SOCS5: variants seen among roughly 807,000 people sequenced by gnomAD.
The protein encoded by SOCS5 is CIS-6.
Under a neutral mutation model 42.8 loss-of-function variants are expected in SOCS5, and 32 were observed. The observed-to-expected ratio is 0.75, with a 90% CI of 0.56 to 1.01. SOCS5 has a LOEUF of 1.01. Among genes scored for constraint, SOCS5 ranks in the 50% least tolerant of loss-of-function variants. The probability of loss-of-function intolerance (pLI) is 0.00; values close to 1 mark genes in which losing one functional copy is unlikely to be tolerated. For missense variants in SOCS5, 627 were observed against 653.0 expected (o/e 0.96, Z 0.43); for synonymous variants, 283 against 229.6 (o/e 1.23, Z -2.10).
In SOCS5 at chr2:46,758,588, G is replaced by A. The variant is rs148263807; in HGVS notation, c.58G>A (p.Gly20Ser). 1.8e-4 allele frequency: 283 copies of A among 1,612,966 alleles called. No individual in the cohort carries two copies. Among genetic ancestry groups the A allele is most frequent in the Non-Finnish European group, 2.3e-4 (272 of 1,179,522 alleles). The change falls in exon 2 of 2, where the codon GGT becomes AGT. Residue 20 changes from glycine (G) to serine (S), a missense_variant. Physicochemically the swap from Gly to Ser is moderately conservative, Grantham distance 56 (BLOSUM62 0). This residue lies in a region of SOCS5 where 278 missense variants were observed against 246.3 expected (regional missense o/e 1.13). Coordinates refer to ENST00000394861, the MANE Select transcript of SOCS5 (RefSeq NM_144949.3). ...CAAATACAGGTGTCAGAATCTCTTC[G>A]GTCATGAGGGAGGAAGCCGTAGTGA... The part of the protein sequence containing the change: ...NFKYRCQNLF[G>S]HEGGSRSENV...
chr2:46,759,696 A>T lies in SOCS5; in HGVS notation c.1166A>T (p.Tyr389Phe), dbSNP rs1163118110. ...NPCYWGVMDR[Y>F]EAEALLEGKP... ...TGTTACTGGGGAGTGATGGACCGTT[A>T]TGAAGCAGAAGCCCTTCTCGAAGGG... The change falls in exon 2 of 2, where the codon TAT (tyrosine) becomes TTT (phenylalanine). Residue 389 changes from tyrosine (Y) to phenylalanine (F), a missense_variant. Transcript: ENST00000394861. The T allele has an allele frequency of 6.2e-7, 1 of 1,614,186 alleles. No homozygotes were observed. The highest frequency in any genetic ancestry group is 8.5e-7 in the Non-Finnish European group (1 of 1,180,008).
At chr2:46,733,583 A>G (rs1317230819) in intron 1 of SOCS5, among the ~76,000 whole-genome samples, 12 of 136,978 alleles carry the variant, frequency 8.8e-5, no homozygotes, top group Admixed American at 1.4e-4. Context: ...AAAAAAAAGA[A>G]AAAAAAAAAA....
chr2:46,748,053 C>G (rs1314390023), intron 1 of SOCS5, among the ~76,000 whole-genome samples: 1 of 152,170 alleles, frequency 6.6e-6, no homozygotes, highest in Non-Finnish European at 1.5e-5. Context: ...TTTTGTTCAA[C>G]ATGCTTCTCT....
chr2:46,704,456 G>A (rs888962817), intron 1 of SOCS5, among the ~76,000 whole-genome samples: 1 of 152,224 alleles, frequency 6.6e-6, no homozygotes, highest in African/African-American at 2.4e-5. Flanking sequence ...TTGGAGGAAG[G>A]GGAGTTAGGA....
At chr2:46,727,258 C>T (rs1392786165) in intron 1 of SOCS5, among the ~76,000 whole-genome samples, 2 of 151,296 alleles carry the variant, frequency 1.3e-5, no homozygotes, top group Admixed American at 6.6e-5. Flanking sequence ...ACGCCATTCT[C>T]CTGCCTCAGC....
intron 1 of SOCS5, among the ~76,000 whole-genome samples, chr2:46,744,132 G>A (rs1673446904): frequency 6.6e-6 from 1 of 152,020 alleles, no homozygotes; most frequent in Non-Finnish European, 1.5e-5. Flanking sequence ...TGGGATTACA[G>A]GCATGTACCA....
intron 1 of SOCS5, among the ~76,000 whole-genome samples, chr2:46,704,837 A>C (rs531799640): frequency 1.3e-5 from 2 of 152,268 alleles, no homozygotes; most frequent in East Asian, 3.9e-4. Context: ...CTATTTTTGG[A>C]AAGTCCCTAG....
At chr2:46,718,982 T>G (rs1287644870) in intron 1 of SOCS5, among the ~76,000 whole-genome samples, 11 of 152,236 alleles carry the variant, frequency 7.2e-5, no homozygotes. Flanking sequence ...AATGTGTATG[T>G]TACTTATTCA....
chr2:46,704,376 A>C (rs1038919777), intron 1 of SOCS5, among the ~76,000 whole-genome samples: 9 of 152,206 alleles, frequency 5.9e-5, no homozygotes, highest in South Asian at 2.1e-4. Context: ...AAATGGAACA[A>C]TGAGAACTCC....
chr2:46,745,646 G>A (rs1212989291), intron 1 of SOCS5, among the ~76,000 whole-genome samples: 2 of 152,152 alleles, frequency 1.3e-5, no homozygotes, highest in Admixed American at 6.5e-5. Flanking sequence ...AGATCTTTGA[G>A]GTTAGCTAAT....
In SOCS5 at chr2:46,760,161, T is replaced by G. The variant is rs3768720; in HGVS notation, c.*20T>G. 1,031,373 of 1,587,906 alleles carry G rather than the reference T, an allele frequency of 0.65. 339,288 individuals are homozygous for G. The highest frequency in any genetic ancestry group is 0.88 in the African/African-American group (65,345 of 74,314). ...AAGTAAACTCTCCGGTCCCCAAAGG[T>G]TGTTAACTAGGTCCGCTTTCATGTG... On this transcript the variant is annotated 3_prime_UTR_variant, in exon 2 of 2. Coordinates refer to ENST00000394861, the MANE Select transcript of SOCS5 (RefSeq NM_144949.3).
chr2:46,711,585 G>C (rs1464902185), intron 1 of SOCS5, among the ~76,000 whole-genome samples: 1 of 152,042 alleles, frequency 6.6e-6, no homozygotes, highest in Non-Finnish European at 1.5e-5. Context: ...TCATTGTTTT[G>C]GTGGCATCTT....
intron 1 of SOCS5, among the ~76,000 whole-genome samples, chr2:46,743,160 A>G (rs1441110671): frequency 6.6e-6 from 1 of 152,042 alleles, no homozygotes; most frequent in Non-Finnish European, 1.5e-5. Context: ...TATATGTATT[A>G]TATTCAACAT....
chr2:46,755,072 A>G (rs1378881495), intron 1 of SOCS5, among the ~76,000 whole-genome samples: 1 of 152,168 alleles, frequency 6.6e-6, no homozygotes, highest in Admixed American at 6.5e-5. Context: ...TCTATTGGAA[A>G]GGTGTTACAG....
At chr2:46,729,614 T>A (rs925323718) in intron 1 of SOCS5, among the ~76,000 whole-genome samples, 6 of 152,212 alleles carry the variant, frequency 3.9e-5, no homozygotes, top group African/African-American at 1.4e-4. Context: ...TATTTTTAAA[T>A]GGCACACCTG....
At chr2:46,746,686 G>A (rs951782219) in intron 1 of SOCS5, among the ~76,000 whole-genome samples, 1 of 151,494 alleles carries the variant, frequency 6.6e-6, no homozygotes, top group Admixed American at 6.6e-5. Flanking sequence ...CTCCTTTAAG[G>A]TTATATATTT....
At chr2:46,706,543 T>A (rs1304184463) in intron 1 of SOCS5, among the ~76,000 whole-genome samples, 1 of 152,230 alleles carries the variant, frequency 6.6e-6, no homozygotes, top group East Asian at 1.9e-4. Flanking sequence ...TGTACAGTTT[T>A]AGTCACCTCT....
At chr2:46,741,337 T>G (rs560061849) in intron 1 of SOCS5, among the ~76,000 whole-genome samples, 2 of 152,226 alleles carry the variant, frequency 1.3e-5, no homozygotes, top group African/African-American at 4.8e-5. Flanking sequence ...CCTCCCAGGT[T>G]CAAGTGATTC....
chr2:46,714,467 T>G (rs1368638122), intron 1 of SOCS5, among the ~76,000 whole-genome samples: 1 of 152,250 alleles, frequency 6.6e-6, no homozygotes, highest in Non-Finnish European at 1.5e-5. Flanking sequence ...TGATTAGTAT[T>G]TACATGATAT....
Sources: allele counts gnomAD v4.1 joint callset (sites outside exome capture counted in the v4.1 genomes callset), GRCh38; gene constraint gnomAD v4.1.1; regional missense constraint gnomAD v4.1.1; transcripts MANE v1.5; gene names NCBI Gene and HGNC (gene_info 2026-07-23, HGNC 2026-07-21).